The following PARD3B variants were observed in gnomAD, a reference collection of about 807,000 sequenced individuals.
The protein encoded by PARD3B is partitioning defective 3 homolog B.
PARD3B carries 103 observed loss-of-function variants against 130.2 expected under a neutral mutation model. The ratio of observed to expected loss-of-function variants is 0.79; its 90% CI spans 0.67 to 0.93. The LOEUF is 0.93. Among genes scored for constraint, PARD3B ranks in the 40% least tolerant of loss-of-function variants. The pLI is 0.00. For synonymous variants in PARD3B, 583 were observed against 553.2 expected, an observed-to-expected ratio of 1.05 and a Z score of -0.76; for missense variants, 1,609 against 1,499.2, an observed-to-expected ratio of 1.07 and a Z score of -1.21.
chr2:205,312,322 T>C (rs1366262856), intron 18 of PARD3B, among the ~76,000 whole-genome samples: 2 of 152,210 alleles, frequency 1.3e-5, no homozygotes, highest in African/African-American at 4.8e-5. Context: ...GTGCTTTGCT[T>C]CATGAAGTAG....
chr2:205,384,877 T>A (rs776085760), intron 18 of PARD3B, among the ~76,000 whole-genome samples: 44 of 152,080 alleles, frequency 2.9e-4, no homozygotes, highest in Non-Finnish European at 6.0e-4. Context: ...AATGCTGACA[T>A]ACTAACCCTG....
At chr2:204,937,825 T>G (rs1575360567) in intron 2 of PARD3B, among the ~76,000 whole-genome samples, 1 of 152,314 alleles carries the variant, frequency 6.6e-6, no homozygotes, top group African/African-American at 2.4e-5. Flanking sequence ...GGTACCCAAG[T>G]AAATATGTAA....
rs563169247 is a variant in PARD3B at position 205,065,686 on chromosome 2, G to T, written c.504+17996G>T. Reference sequence around the variant, plus strand: ...AGAATAGATTAGTTCCTGCAAGAATGGATTAGTTCCCAAGAGAGTGGGTAG... The same window carrying T: ...AGAATAGATTAGTTCCTGCAAGAATTGATTAGTTCCCAAGAGAGTGGGTAG... On this transcript the variant is annotated intron_variant, in intron 4 of 22. Coordinates refer to ENST00000406610, the MANE Select transcript of PARD3B (RefSeq NM_001302769.2). 2.0e-5 allele frequency among the ~76,000 whole-genome samples: 3 copies of T among 152,182 alleles called. No individual in the cohort carries two copies. The East Asian group carries it at 5.8e-4, about 30-fold the overall frequency.
chr2:205,281,371 T>C lies in PARD3B; in HGVS notation c.2186-19159T>C, dbSNP rs2041182270. 6.6e-6 allele frequency among the ~76,000 whole-genome samples: 1 copy of C among 152,196 alleles called. No individual in the cohort carries two copies. Among genetic ancestry groups the C allele is most frequent in the African/African-American group, 2.4e-5 (1 of 41,450 alleles). On this transcript the variant is annotated intron_variant, in intron 16 of 22. Transcript: ENST00000406610. The surrounding 1 kb of genome is among the most constrained non-coding windows in gnomAD (Gnocchi z 4.2). ...GCCAGGGACCAACTCGAGTGACCCA[T>C]CTTGTAGGTCCCACACTGCCTAAGT...
chr2:204,607,647 G>C (rs1260570201), intron 1 of PARD3B, among the ~76,000 whole-genome samples: 1 of 152,094 alleles, frequency 6.6e-6, no homozygotes, highest in Non-Finnish European at 1.5e-5. Flanking sequence ...TATACAGTGG[G>C]AACAAAGGAT....
At chr2:204,561,373 C>G (rs1209456446) in intron 1 of PARD3B, among the ~76,000 whole-genome samples, 1 of 152,148 alleles carries the variant, frequency 6.6e-6, no homozygotes, top group Non-Finnish European at 1.5e-5. Context: ...CTTTGTTCCT[C>G]CGGACCCGCT....
Position 205,183,977 on chromosome 2 carries a change from G to A in PARD3B, c.1925-1787G>A, listed in dbSNP as rs1473430046. 7.3e-5 allele frequency among the ~76,000 whole-genome samples: 11 copies of A among 150,788 alleles called. No homozygotes were observed. The highest frequency in any genetic ancestry group is 3.4e-3 in the Middle Eastern group (1 of 294). ...AGACTCAGGAAGAACTGATGTTTCC[G>A]TTTGGGTCTGAAGATAGAAAAAAGC... On this transcript the variant is annotated intron_variant, in intron 13 of 22. Coordinates refer to ENST00000406610, the MANE Select transcript of PARD3B (RefSeq NM_001302769.2). The surrounding 1 kb of genome is among the most constrained non-coding windows in gnomAD (Gnocchi z 5.2).
intron 3 of PARD3B, among the ~76,000 whole-genome samples, chr2:205,014,138 A>C (rs1328023444): frequency 6.6e-6 from 1 of 152,238 alleles, no homozygotes; most frequent in Non-Finnish European, 1.5e-5. Flanking sequence ...AATGAAAGTA[A>C]GAGTAGAACC....
chr2:204,630,359 A>G (rs1359244536), intron 1 of PARD3B, among the ~76,000 whole-genome samples: 1 of 152,172 alleles, frequency 6.6e-6, no homozygotes, highest in Non-Finnish European at 1.5e-5. Context: ...GGAACTTTGA[A>G]AAATTTTGGA....
intron 2 of PARD3B, among the ~76,000 whole-genome samples, chr2:204,721,731 A>G (rs925567490): frequency 2.6e-5 from 4 of 152,136 alleles, no homozygotes; most frequent in African/African-American, 9.7e-5. Flanking sequence ...CCTTTTGGCC[A>G]TTTCTAGTAA....
In PARD3B at chr2:205,183,568, C is replaced by T. The variant is rs1336478064; in HGVS notation, c.1925-2196C>T. On this transcript the variant is annotated intron_variant, in intron 13 of 22. Transcript: ENST00000406610. The surrounding 1 kb of genome is among the most constrained non-coding windows in gnomAD (Gnocchi z 5.2). ...GCAGGCGCTGCCTTTGTGCTTCTTT[C>T]CCCCTGGTCACCTACTTAGCAGGTC... Among the ~76,000 whole-genome samples the T allele has an allele frequency of 6.6e-6, 1 of 152,098 alleles. No homozygotes were observed. The highest frequency in any genetic ancestry group is 1.5e-5 in the Non-Finnish European group (1 of 68,022).
At chr2:205,459,029 T>C (rs1193717331) in intron 20 of PARD3B, among the ~76,000 whole-genome samples, 1 of 152,170 alleles carries the variant, frequency 6.6e-6, no homozygotes, top group African/African-American at 2.4e-5. Flanking sequence ...CCTTAGCAGG[T>C]TCTCAACTCC....
intron 1 of PARD3B, among the ~76,000 whole-genome samples, chr2:204,659,121 G>C (rs1388343089): frequency 6.6e-6 from 1 of 152,120 alleles, no homozygotes; most frequent in Non-Finnish European, 1.5e-5. Flanking sequence ...TGCATTCTTA[G>C]ATGTGTTACT....
At position 205,338,277 on chromosome 2, in the gene PARD3B, T is replaced by C. The variant is rs1248425753; in HGVS notation, c.2630+36576T>C. ...CAGTGTTGTACAGTTTATGTCTTGG[T>C]CTTAATTCTAAACTTCCCTTCCAAT... On this transcript the variant is annotated intron_variant, in intron 18 of 22. Transcript: ENST00000406610. 2.0e-5 allele frequency among the ~76,000 whole-genome samples: 3 copies of C among 151,978 alleles called. No homozygotes were observed. In the South Asian group the frequency reaches 6.3e-4, roughly 32 times the overall value.
intron 16 of PARD3B, among the ~76,000 whole-genome samples, chr2:205,277,880 C>T (rs1479181083): frequency 6.6e-6 from 1 of 151,840 alleles, no homozygotes; most frequent in Non-Finnish European, 1.5e-5. Flanking sequence ...AAACAGATGC[C>T]CAGAGGGAGA....
chr2:205,413,310 A>T (rs1040666501), intron 19 of PARD3B, among the ~76,000 whole-genome samples: 2 of 152,158 alleles, frequency 1.3e-5, no homozygotes. Flanking sequence ...GGAATCGTAG[A>T]TGTTTGTATT....
In PARD3B at chr2:205,161,524, A is replaced by G. The variant is rs148631815; in HGVS notation, c.1620+2617A>G. ...AAAATCTGATTAACCAGGGGAAAAA[A>G]AAGTATTTTTCCATTCTCCTACTGT... On this transcript the variant is annotated intron_variant, in intron 11 of 22. Coordinates refer to ENST00000406610, the MANE Select transcript of PARD3B (RefSeq NM_001302769.2). 3.4e-3 allele frequency among the ~76,000 whole-genome samples: 521 copies of G among 152,334 alleles called. 3 individuals are homozygous for G. The highest frequency in any genetic ancestry group is 0.011 in the African/African-American group (477 of 41,572).
chr2:205,506,630 C>G (rs2050376126), intron 21 of PARD3B, among the ~76,000 whole-genome samples: 1 of 152,040 alleles, frequency 6.6e-6, no homozygotes, highest in Non-Finnish European at 1.5e-5. Context: ...TGTGCAATAG[C>G]CAAAGAAGTA....
intron 2 of PARD3B, among the ~76,000 whole-genome samples, chr2:204,832,517 C>G (rs192391863): frequency 6.6e-6 from 1 of 152,212 alleles, no homozygotes; most frequent in Non-Finnish European, 1.5e-5. Context: ...ACATGCAACA[C>G]TGAAAGAACA....
Sources: gnomAD v4.1 joint callset for allele counts (sites outside exome capture counted in the v4.1 genomes callset) on GRCh38, gnomAD v4.1.1 for gene constraint, Gnocchi (gnomAD v3.1) non-coding constraint, MANE v1.5 for transcripts, NCBI Gene and HGNC (gene_info 2026-07-23, HGNC 2026-07-21) for gene names.